SYNE3: variants seen among roughly 807,000 people sequenced by gnomAD.
The protein encoded by SYNE3 is nesprin-3.
A neutral mutation model predicts 111.2 loss-of-function variants in SYNE3; 100 were observed. That is an observed-to-expected ratio of 0.90 (90% CI 0.77 to 1.06). The LOEUF (loss-of-function observed/expected upper bound fraction) is 1.06. Ranked by LOEUF, SYNE3 falls within the 50% of genes least tolerant of loss-of-function variation. The pLI is 0.00. For synonymous variants in SYNE3, 547 were observed against 533.9 expected (o/e 1.02, Z -0.34); for missense variants, 1,160 against 1,240.3 (o/e 0.94, Z 0.97).
intron 4 of SYNE3, among the ~76,000 whole-genome samples, chr14:95,458,457 C>A (rs1887597391): frequency 6.6e-6 from 1 of 152,210 alleles, no homozygotes; most frequent in African/African-American, 2.4e-5. Context: ...TAAAACAGAG[C>A]CTGGCAGCTG....
intron 1 of SYNE3, among the ~76,000 whole-genome samples, chr14:95,509,459 T>A (rs1402582103): frequency 2.0e-5 from 3 of 152,160 alleles, no homozygotes; most frequent in Non-Finnish European, 4.4e-5. Context: ...TGAACTATAG[T>A]GGCCAGACCC....
At position 95,430,230 on chromosome 14, in the gene SYNE3, T is replaced by A. The variant is rs75913508; in HGVS notation, c.2727+1849A>T. Among the ~76,000 whole-genome samples, 238 of 152,230 alleles carry A rather than the reference T, an allele frequency of 1.6e-3. 3 individuals are homozygous for A. In the East Asian group the frequency reaches 0.031, roughly 20 times the overall value. On this transcript the variant is annotated intron_variant, in intron 17 of 17. Transcript: ENST00000682763. ...CTTGACACCCACATGGATCCTGGCC[T>A]AGGGGCTGCATAGGTGGGGGCTTCC...
chr14:95,472,650 A>G (rs1888597448), intron 2 of SYNE3, among the ~76,000 whole-genome samples: 1 of 152,174 alleles, frequency 6.6e-6, no homozygotes, highest in Non-Finnish European at 1.5e-5. Context: ...TGAAGCTCAG[A>G]GAGCTCTGGG....
intron 1 of SYNE3, among the ~76,000 whole-genome samples, chr14:95,511,097 C>G (rs1890705804): frequency 6.6e-6 from 1 of 152,284 alleles, no homozygotes. Context: ...CACTCCCGCT[C>G]TGGATGAAAG....
rs1167326891 is a variant in SYNE3, at chr14:95,407,635, G to A, written c.*10191C>T. On this transcript the variant is annotated 3_prime_UTR_variant, in exon 18 of 18. Transcript: ENST00000682763. ...AAATAATATGACAAGAGTAGATATG[G>A]TCCCTCTGCGTATTGTTTACATAAT... The A allele has an allele frequency of 2.6e-5, 4 of 152,158 alleles. No homozygotes were observed. The highest frequency in any genetic ancestry group is 5.9e-5 in the Non-Finnish European group (4 of 68,036). 9.4% of individuals were successfully genotyped at this position (152,158 alleles called of 1,614,324 possible).
At chr14:95,436,557 G>T (rs775837975) in intron 15 of SYNE3, among the ~76,000 whole-genome samples, 1 of 152,232 alleles carries the variant, frequency 6.6e-6, no homozygotes, top group Non-Finnish European at 1.5e-5. Flanking sequence ...GTGTCACACA[G>T]CAATAGCTAA....
Position 95,486,369 on chromosome 14 carries a change from AC to A in SYNE3, c.-14-10535del, listed in dbSNP as rs987634193. On this transcript the variant is annotated intron_variant, in intron 1 of 17. Coordinates refer to ENST00000682763, the MANE Select transcript of SYNE3 (RefSeq NM_152592.6). ...ACACCTGTCCCCCAGGCCACCCCCC[AC>A]CCCTCTCCCAATGTCTTATTGGCCC... Among the ~76,000 whole-genome samples, 45 of 120,736 alleles carry A rather than the reference AC, an allele frequency of 3.7e-4. 1 individual carries two copies. The highest frequency in any genetic ancestry group is 1.4e-4 in the Non-Finnish European group (8 of 57,548). 79.2% of individuals were successfully genotyped at this position (120,736 alleles called of 152,430 possible).
chr14:95,464,454 G>GA (rs1397340758), intron 4 of SYNE3, among the ~76,000 whole-genome samples: 1 of 151,950 alleles, frequency 6.6e-6, no homozygotes, highest in Non-Finnish European at 1.5e-5. Context: ...GGGTGAAGTA[G>GA]AAAAAAAATA....
intron 1 of SYNE3, among the ~76,000 whole-genome samples, chr14:95,495,506 T>A (rs6575515): frequency 6.6e-6 from 1 of 151,714 alleles, no homozygotes; most frequent in African/African-American, 2.4e-5. Flanking sequence ...ATAGTTCCCA[T>A]GGGTGAGGCC....
rs572397212 is a variant in SYNE3 at position 95,445,991 on chromosome 14, G to A, written c.1550C>T (p.Ala517Val). The A allele has an allele frequency of 6.8e-6, 11 of 1,614,148 alleles. 1 individual carries two copies. In the South Asian group the frequency reaches 1.2e-4, roughly 18 times the overall value. Residue 517 changes from alanine (A) to valine (V), a missense_variant, in exon 9 of 18, where the codon GCA becomes GTA. Physicochemically the swap from Ala to Val is moderately conservative, Grantham distance 64. Transcript: ENST00000682763. ...IGIFGQERAT[A>V]LLEQVAGSMR... ...GGAACCTGCCACCTGCTCCAGGAGT[G>A]CCGTGGCTCTCTCCTGGCCAAAGAT...
At chr14:95,452,653 T>A (rs1419814201) in intron 6 of SYNE3, among the ~76,000 whole-genome samples, 1 of 152,204 alleles carries the variant, frequency 6.6e-6, no homozygotes, top group Admixed American at 6.5e-5. Flanking sequence ...TGGCAAACAC[T>A]AGCTCCTAAT....
In SYNE3 at chr14:95,470,813, C is replaced by T. The variant is rs528682075; in HGVS notation, c.145-2846G>A. ...TCTCTACTGAAAATACAAAAATTAGCCGGGCATGGTGGCGCACACCTGTGA... is the reference window on the plus strand; with the variant it reads ...TCTCTACTGAAAATACAAAAATTAGTCGGGCATGGTGGCGCACACCTGTGA... On this transcript the variant is annotated intron_variant, in intron 2 of 17. Transcript: ENST00000682763. The surrounding 1 kb of genome is among the most constrained non-coding windows in gnomAD (Gnocchi z 4.2). Among the ~76,000 whole-genome samples, 102 of 152,064 alleles carry T rather than the reference C, an allele frequency of 6.7e-4. 4 individuals are homozygous for T. The South Asian group carries it at 0.021, about 31-fold the overall frequency.
At chr14:95,444,448 C>T in intron 10 of SYNE3, 37 bp downstream of exon 10, 1 of 1,554,146 alleles carries the variant, frequency 6.4e-7, no homozygotes, top group Non-Finnish European at 8.7e-7. Context: ...AGCTGAGCAC[C>T]TGGGCAGGAG....
intron 1 of SYNE3, among the ~76,000 whole-genome samples, chr14:95,488,846 T>C (rs1302349725): frequency 1.3e-5 from 2 of 152,202 alleles, no homozygotes; most frequent in Non-Finnish European, 2.9e-5. Flanking sequence ...TTGACAACAC[T>C]GTACGGTCAG....
Position 95,434,726 on chromosome 14 carries a change from C to T in SYNE3, c.2539-1317G>A, listed in dbSNP as rs141927775. Among the ~76,000 whole-genome samples, 448 of 152,312 alleles carry T rather than the reference C, an allele frequency of 2.9e-3. 2 individuals are homozygous for T. Among genetic ancestry groups the T allele is most frequent in the African/African-American group, 0.01 (434 of 41,574 alleles). On this transcript the variant is annotated intron_variant, in intron 15 of 17. Transcript: ENST00000682763. ...AGGCTGGAGTGCAATGGCGCGATCT[C>T]GGCTCACCGCAACCTCTGCCTCCCA...
intron 17 of SYNE3, among the ~76,000 whole-genome samples, chr14:95,426,934 A>G (rs1194544277): frequency 5.4e-5 from 6 of 111,690 alleles, no homozygotes; most frequent in African/African-American, 1.6e-4. Flanking sequence ...ACAAAGCAAG[A>G]CTCCATCTCA....
At position 95,446,925 on chromosome 14, in the gene SYNE3, A is replaced by G. The variant is rs547988499; in HGVS notation, c.1450-834T>C. ...TGTTGCCTCTCCAGCTGTTTCAGGT[A>G]AGCACCTCTTGCATTTCTAATCGAG... On this transcript the variant is annotated intron_variant, in intron 8 of 17. Transcript: ENST00000682763. Among the ~76,000 whole-genome samples, 11 of 152,274 alleles carry G rather than the reference A, an allele frequency of 7.2e-5. No homozygotes were observed. The East Asian group carries it at 1.2e-3, about 16-fold the overall frequency.
chr14:95,442,505 C>A (rs1220490741), intron 11 of SYNE3, among the ~76,000 whole-genome samples: 2 of 152,238 alleles, frequency 1.3e-5, no homozygotes, highest in Non-Finnish European at 2.9e-5. Flanking sequence ...CACCAGAGAC[C>A]CTGCTTTATA....
Position 95,409,543 on chromosome 14 carries a change from T to C in SYNE3, c.*8283A>G. On this transcript the variant is annotated 3_prime_UTR_variant, in exon 18 of 18. Coordinates refer to ENST00000682763, the MANE Select transcript of SYNE3 (RefSeq NM_152592.6). ...TCTCGGCTGGACAAGGTGGTTGGGT[T>C]GGGGATGATGTTACCATGACAACCG... The C allele has an allele frequency of 2.6e-6, 1 of 385,002 alleles. No homozygotes were observed. The highest frequency in any genetic ancestry group is 5.1e-6 in the Non-Finnish European group (1 of 196,292). 23.8% of individuals were successfully genotyped at this position (385,002 alleles called of 1,614,324 possible).
Sources: gnomAD v4.1 joint callset for allele counts (sites outside exome capture counted in the v4.1 genomes callset) on GRCh38, gnomAD v4.1.1 for gene constraint, Gnocchi (gnomAD v3.1) non-coding constraint, MANE v1.5 for transcripts, NCBI Gene and HGNC (gene_info 2026-07-23, HGNC 2026-07-21) for gene names.